ZNF609: variants seen among roughly 807,000 people sequenced by gnomAD.
ZNF609 encodes the protein zinc finger protein 609.
Under a neutral mutation model 109.5 loss-of-function variants are expected in ZNF609, and 11 were observed. The observed-to-expected ratio is 0.10, with a 90% CI of 0.06 to 0.17. The LOEUF is 0.17. Among genes scored for constraint, ZNF609 ranks in the 10% least tolerant of loss-of-function variants. ZNF609 has a pLI of 1.00. For missense variants in ZNF609, 1,559 were observed against 1,772.4 expected (o/e 0.88, Z 2.16); for synonymous variants, 646 against 662.0 (o/e 0.98, Z 0.37).
intron 3 of ZNF609, among the ~76,000 whole-genome samples, chr15:64,664,244 A>G (rs1162251292): frequency 6.6e-6 from 1 of 151,900 alleles, no homozygotes; most frequent in Non-Finnish European, 1.5e-5. Context: ...AATAATAATA[A>G]TAACTAGGGG....
At chr15:64,678,509 C>T (rs1896838728) in intron 6 of ZNF609, 27 bp downstream of exon 6, 3 of 1,531,394 alleles carry the variant, frequency 2.0e-6, no homozygotes, top group Admixed American at 2.1e-5. Context: ...CAGCACTATT[C>T]CATTCACTGG....
chr15:64,681,512 C>A, intron 9 of ZNF609, 125 bp downstream of exon 9: 1 of 781,382 alleles, frequency 1.3e-6, no homozygotes, highest in Non-Finnish European at 2.1e-6. Context: ...GAACCCTGGC[C>A]AAGCCTCTTG....
intron 3 of ZNF609, among the ~76,000 whole-genome samples, chr15:64,665,712 C>G (rs1477645027): frequency 6.6e-6 from 1 of 152,078 alleles, no homozygotes; most frequent in African/African-American, 2.4e-5. Flanking sequence ...GAGTTTGAGA[C>G]CAGCCTCAAC....
chr15:64,520,420 A>G, intron 2 of ZNF609, among the ~76,000 whole-genome samples: 1 of 152,132 alleles, frequency 6.6e-6, no homozygotes, highest in East Asian at 1.9e-4. Flanking sequence ...TATTTACATA[A>G]CTGTGTGTTC....
At chr15:64,646,017 A>G (rs1896328803) in intron 3 of ZNF609, among the ~76,000 whole-genome samples, 1 of 152,238 alleles carries the variant, frequency 6.6e-6, no homozygotes, top group African/African-American at 2.4e-5. Context: ...ATGATCCAGC[A>G]ATTCTACTCC....
chr15:64,505,384 C>T (rs1041324202), intron 2 of ZNF609, among the ~76,000 whole-genome samples: 2 of 152,124 alleles, frequency 1.3e-5, no homozygotes, highest in Non-Finnish European at 2.9e-5. Flanking sequence ...AATAGGCAGA[C>T]CTTCAAATGT....
In ZNF609 at chr15:64,473,578, A is replaced by G. The variant is rs571343462; in HGVS notation, c.-128+12740A>G. ...ACGTATCTAAGCATTCACTAATTGGATAGCCTGACATTTAGCCTCACTAGT... is the reference window on the plus strand; with the variant it reads ...ACGTATCTAAGCATTCACTAATTGGGTAGCCTGACATTTAGCCTCACTAGT... On this transcript the variant is annotated intron_variant, in intron 1 of 9. Coordinates refer to ENST00000326648, the MANE Select transcript of ZNF609 (RefSeq NM_015042.2). Among the ~76,000 whole-genome samples, 4 of 151,350 alleles carry G rather than the reference A, an allele frequency of 2.6e-5. No individual in the cohort carries two copies. The Middle Eastern group carries it at 0.014, about 518-fold the overall frequency.
chr15:64,648,943 A>G (rs1896374850), intron 3 of ZNF609, among the ~76,000 whole-genome samples: 1 of 152,084 alleles, frequency 6.6e-6, no homozygotes, highest in Admixed American at 6.6e-5. Flanking sequence ...GGATGCTTCT[A>G]ATTGTTCATT....
intron 2 of ZNF609, among the ~76,000 whole-genome samples, chr15:64,525,468 T>C (rs954547363): frequency 6.6e-6 from 1 of 152,232 alleles, no homozygotes; most frequent in Non-Finnish European, 1.5e-5. Flanking sequence ...TATTACAATC[T>C]TGATTACTCA....
At chr15:64,616,291 G>C (rs1895796514) in intron 2 of ZNF609, among the ~76,000 whole-genome samples, 1 of 151,520 alleles carries the variant, frequency 6.6e-6, no homozygotes, top group South Asian at 2.1e-4. Context: ...ATCACATTTG[G>C]CCTTCAGTGT....
At chr15:64,640,688 C>T (rs548082995) in intron 3 of ZNF609, among the ~76,000 whole-genome samples, 2 of 152,134 alleles carry the variant, frequency 1.3e-5, no homozygotes, top group Non-Finnish European at 2.9e-5. Flanking sequence ...GAGATGATAC[C>T]ATCTTTCTTA....
intron 1 of ZNF609, among the ~76,000 whole-genome samples, chr15:64,468,429 TG>T (rs1292759425): frequency 5.3e-5 from 8 of 151,426 alleles, no homozygotes; most frequent in Admixed American, 2.0e-4. Flanking sequence ...CTAATTTTTT[TG>T]TGTGTTTTTT....
In ZNF609 at chr15:64,478,997, A is replaced by G. The variant is rs1015421595; in HGVS notation, c.-128+18159A>G. Reference sequence around the variant, plus strand: ...TGCTTTTATTAGTAAGAGAACTTGAACATAGCTTGTTTGCTGCTGTTTACT... The same window carrying G: ...TGCTTTTATTAGTAAGAGAACTTGAGCATAGCTTGTTTGCTGCTGTTTACT... On this transcript the variant is annotated intron_variant, in intron 1 of 9. Transcript: ENST00000326648. 2.0e-5 allele frequency among the ~76,000 whole-genome samples: 3 copies of G among 152,156 alleles called. No individual in the cohort carries two copies. The South Asian group carries it at 6.2e-4, about 31-fold the overall frequency.
Position 64,622,842 on chromosome 15 carries a change from T to G in ZNF609, c.763T>G (p.Ser255Ala), listed in dbSNP as rs770191456. The change falls in exon 3 of 10, where the codon TCC (serine) becomes GCC (alanine). Residue 255 changes from serine (S) to alanine (A), a missense_variant. This residue lies in a region of ZNF609 where 291 missense variants were observed against 317.8 expected (regional missense o/e 0.92). Transcript: ENST00000326648. ...VKSEKMESPV[S>A]TPAVLPIHLL... ...CCCTCCACAGATGGAGTCCCCTGTT[T>G]CCACACCAGCAGTGCTGCCAATACA... The G allele has an allele frequency of 1.2e-6, 2 of 1,614,244 alleles. No individual in the cohort carries two copies. Among genetic ancestry groups the G allele is most frequent in the Admixed American group, 3.3e-5 (2 of 60,034 alleles).
At chr15:64,470,284 G>A (rs1413435474) in intron 1 of ZNF609, 3 of 152,068 alleles carry the variant, frequency 2.0e-5, no homozygotes, top group Non-Finnish European at 4.4e-5. Flanking sequence ...CTAGGCTCAA[G>A]CCATCCTCCT....
intron 3 of ZNF609, among the ~76,000 whole-genome samples, chr15:64,665,841 G>C (rs1178850933): frequency 6.6e-6 from 1 of 151,838 alleles, no homozygotes; most frequent in South Asian, 2.1e-4. Flanking sequence ...GGGAGGCGGA[G>C]GTTGCGATGA....
At position 64,593,116 on chromosome 15, in the gene ZNF609, G is replaced by A. The variant is rs1895330039; in HGVS notation, c.748-29711G>A. On this transcript the variant is annotated intron_variant, in intron 2 of 9. Transcript: ENST00000326648. ...AATTCGTCATTCGAAACATAGTGGA[G>A]TCCGCAGCAGTCAGGGACATTTCTG... The A allele has an allele frequency of 2.5e-6, 4 of 1,592,044 alleles. No homozygotes were observed. The African/African-American group carries it at 4.0e-5, about 16-fold the overall frequency.
At chr15:64,496,446 A>G (rs558887925) in intron 1 of ZNF609, among the ~76,000 whole-genome samples, 1 of 152,230 alleles carries the variant, frequency 6.6e-6, no homozygotes, top group African/African-American at 2.4e-5. Flanking sequence ...CCTAGCCACA[A>G]TTGCAAAGAT....
At chr15:64,529,957 C>T (rs538454730) in intron 2 of ZNF609, among the ~76,000 whole-genome samples, 2 of 151,142 alleles carry the variant, frequency 1.3e-5, no homozygotes, top group East Asian at 1.9e-4. Flanking sequence ...CTTGAACTGC[C>T]GACCTCAGGT....
Sources: allele counts gnomAD v4.1 joint callset (sites outside exome capture counted in the v4.1 genomes callset), GRCh38; gene constraint gnomAD v4.1.1; regional missense constraint gnomAD v4.1.1; transcripts MANE v1.5; gene names NCBI Gene and HGNC (gene_info 2026-07-23, HGNC 2026-07-21).